The following PKHD1 variants were observed in gnomAD, a reference collection of about 807,000 sequenced individuals.
PKHD1 encodes the protein fibrocystin.
PKHD1 carries 291 observed loss-of-function variants against 412.0 expected under a neutral mutation model. That is an observed-to-expected ratio of 0.71 (90% CI 0.64 to 0.78). The LOEUF is 0.78. Ranked by LOEUF, PKHD1 falls within the 30% of genes least tolerant of loss-of-function variation. The pLI, the probability that PKHD1 is intolerant of heterozygous loss-of-function variation, is 0.00. For synonymous variants in PKHD1, 1,777 were observed against 1,821.5 expected (o/e 0.98, Z 0.62); for missense variants, 4,825 against 4,950.7 (o/e 0.97, Z 0.76).
chr6:51,982,890 T>TAAA (rs761826670), intron 35 of PKHD1, among the ~76,000 whole-genome samples: 2 of 37,576 alleles, frequency 5.3e-5, no homozygotes, highest in East Asian at 1.4e-3. Context: ...TAAAATAAAA[T>TAAA]AAAAAAAAGA....
At chr6:51,842,279 G>A (rs1770342225) in intron 50 of PKHD1, among the ~76,000 whole-genome samples, 1 of 152,136 alleles carries the variant, frequency 6.6e-6, no homozygotes, top group Non-Finnish European at 1.5e-5. Flanking sequence ...TGTGAACTCG[G>A]GAGGGCAACT....
Position 51,619,342 on chromosome 6 carries a change from A to G in PKHD1, c.11964T>C (p.Ala3988=). The change falls in exon 67 of 67, where the codon GCT becomes GCC. Residue 3988 remains alanine, a synonymous_variant. Coordinates refer to ENST00000371117, the MANE Select transcript of PKHD1 (RefSeq NM_138694.4). ...CAGTCTCTTGCAGGTACACCTGCTG[A>G]GCAGGAGCACCTGGAGCACAGATGT... is the stretch of plus-strand genomic sequence containing the variant. ...HGHICAPGAP[A]QQVYLQETGN... 6.2e-7 allele frequency: 1 copy of G among 1,614,208 alleles called. No individual in the cohort carries two copies. Among genetic ancestry groups the G allele is most frequent in the East Asian group, 2.2e-5 (1 of 44,876 alleles).
At chr6:51,969,711 C>T (rs983499193) in intron 35 of PKHD1, among the ~76,000 whole-genome samples, 5 of 152,128 alleles carry the variant, frequency 3.3e-5, no homozygotes, top group Admixed American at 3.3e-4. Context: ...CTGCAAAAGC[C>T]ATGATTTCAC....
chr6:52,053,101 A>G lies in PKHD1; in HGVS notation c.2115T>C (p.Ile705=). Residue 705 remains isoleucine (I), a synonymous_variant, in exon 21 of 67, where the codon ATT becomes ATC. Transcript: ENST00000371117. ...QETGLFYVDE[I]IIADTNVTVS... ...CTGTTACGTTTGTGTCTGCAATAAT[A>G]ATTTCATCCACATAGAACAGGCCCG... 6.2e-7 allele frequency: 1 copy of G among 1,614,074 alleles called. No individual in the cohort carries two copies. The highest frequency in any genetic ancestry group is 8.5e-7 in the Non-Finnish European group (1 of 1,179,978).
chr6:52,073,668 T>C, intron 6 of PKHD1, 127 bp from the exon 7 acceptor site: 1 of 686,322 alleles, frequency 1.5e-6, no homozygotes, highest in South Asian at 1.6e-5. Flanking sequence ...AGAAAATTAA[T>C]ACTTTTAATA....
chr6:51,670,879 A>T (rs1425645799), intron 60 of PKHD1, among the ~76,000 whole-genome samples: 1 of 150,848 alleles, frequency 6.6e-6, no homozygotes, highest in Non-Finnish European at 1.5e-5. Flanking sequence ...ATTGGCCCCC[A>T]CTCTCTTCTG....
chr6:51,616,378 C>T lies in PKHD1; in HGVS notation c.*2703G>A, dbSNP rs1379608066. 1.0e-5 allele frequency: 3 copies of T among 300,728 alleles called. No individual in the cohort carries two copies. The highest frequency in any genetic ancestry group is 1.8e-5 in the Non-Finnish European group (3 of 165,762). 18.6% of individuals were successfully genotyped at this position (300,728 alleles called of 1,614,324 possible). On this transcript the variant is annotated 3_prime_UTR_variant, in exon 67 of 67. Transcript: ENST00000371117. ...TATTTAGATAAAGGGTGTAGATTGT[C>T]ACTGCTGGGAAATATTTGCTGGGTT... is the stretch of plus-strand genomic sequence containing the variant.
chr6:51,956,914 C>T (rs1264503561), intron 36 of PKHD1, among the ~76,000 whole-genome samples: 1 of 151,926 alleles, frequency 6.6e-6, no homozygotes, highest in Non-Finnish European at 1.5e-5. Flanking sequence ...ATAGTAAGGA[C>T]CAGTGATTTG....
chr6:51,912,371 A>C lies in PKHD1; in HGVS notation c.6327T>G (p.Pro2109=). 1 of 1,603,684 alleles carries C rather than the reference A, an allele frequency of 6.2e-7. No individual in the cohort carries two copies. The highest frequency in any genetic ancestry group is 2.2e-5 in the East Asian group (1 of 44,808). Reference sequence around the variant, plus strand: ...GCCAAGCTGACACTCAGTACCTCAAAGGTGACTTAAGATAGAGGTCTGTAT... The same window carrying C: ...GCCAAGCTGACACTCAGTACCTCAACGGTGACTTAAGATAGAGGTCTGTAT... The part of the protein sequence containing the change: ...VQDTDLYLKS[P]LRYSHNFTEN... Residue 2109 remains proline (P), a synonymous_variant, in exon 38 of 67, where the codon CCT becomes CCG. Transcript: ENST00000371117.
chr6:52,086,192 C>A lies in PKHD1; in HGVS notation c.-84-1175G>T, dbSNP rs561173544. 3.7e-4 allele frequency among the ~76,000 whole-genome samples: 56 copies of A among 150,980 alleles called. 1 individual carries two copies. In the South Asian group the frequency reaches 8.6e-3, roughly 23 times the overall value. On this transcript the variant is annotated intron_variant, in intron 1 of 66. Transcript: ENST00000371117. ...GTGGCATGATGTCAGTTCACTGCAA[C>A]CTCCATCTCCCAGGTTCAAGTGATT...
intron 60 of PKHD1, among the ~76,000 whole-genome samples, chr6:51,701,355 C>G (rs1017522962): frequency 6.6e-6 from 1 of 152,050 alleles, no homozygotes; most frequent in Non-Finnish European, 1.5e-5. Flanking sequence ...GTCATTATTG[C>G]CAGTCAATCA....
At chr6:51,620,185 G>A (rs564425575) in intron 66 of PKHD1, among the ~76,000 whole-genome samples, 1 of 152,106 alleles carries the variant, frequency 6.6e-6, no homozygotes, top group Admixed American at 6.6e-5. Context: ...TTATTCTCAG[G>A]TGCTACTTCA....
chr6:51,784,505 T>C (rs1278236965), intron 53 of PKHD1, among the ~76,000 whole-genome samples: 2 of 152,180 alleles, frequency 1.3e-5, no homozygotes, highest in Admixed American at 1.3e-4. Context: ...TTTCCAGAAA[T>C]TGTACAATGA....
In PKHD1 at chr6:51,883,152, C is replaced by G. The variant is rs764761871; in HGVS notation, c.7291G>C (p.Glu2431Gln). 1 of 1,612,426 alleles carries G rather than the reference C, an allele frequency of 6.2e-7. No homozygotes were observed. The highest frequency in any genetic ancestry group is 8.5e-7 in the Non-Finnish European group (1 of 1,178,534). ...SCRDFGIDVL[E>Q]SDANTSVTDS... ...GTAACTGAAGTATTTGCATCACTTT[C>G]CAAGACGTCAATTCCAAAATCTCTG... Residue 2431 changes from glutamate (E) to glutamine (Q), a missense_variant, in exon 46 of 67, where the codon GAA becomes CAA. Glu to Gln is a conservative substitution (Grantham distance 29, BLOSUM62 2). Transcript: ENST00000371117.
At chr6:51,970,877 G>A (rs766182452) in intron 35 of PKHD1, among the ~76,000 whole-genome samples, 1 of 152,162 alleles carries the variant, frequency 6.6e-6, no homozygotes, top group Admixed American at 6.5e-5. Flanking sequence ...TCGAAGTCAG[G>A]TATTATGATA....
At chr6:52,008,718 C>T (rs1395924634) in intron 35 of PKHD1, among the ~76,000 whole-genome samples, 4 of 152,252 alleles carry the variant, frequency 2.6e-5, no homozygotes, top group African/African-American at 7.2e-5. Flanking sequence ...ATGCAGCTCT[C>T]AGTGGCGCAC....
chr6:51,726,621 T>C (rs192330776), intron 60 of PKHD1, among the ~76,000 whole-genome samples: 1 of 152,288 alleles, frequency 6.6e-6, no homozygotes, highest in East Asian at 1.9e-4. Context: ...CCTCATAATT[T>C]TTCAATCAAA....
chr6:51,853,008 T>C (rs1772588215), intron 49 of PKHD1, among the ~76,000 whole-genome samples: 1 of 152,224 alleles, frequency 6.6e-6, no homozygotes, highest in Admixed American at 6.5e-5. Flanking sequence ...GTAGTGTCAT[T>C]GGTCTTTATA....
rs781187540 is a variant in PKHD1, at chr6:52,025,099, T to C, written c.4711A>G (p.Ile1571Val). 2 of 1,614,200 alleles carry C rather than the reference T, an allele frequency of 1.2e-6. No individual in the cohort carries two copies. The highest frequency in any genetic ancestry group is 1.7e-6 in the Non-Finnish European group (2 of 1,180,034). ...CSGNVSRHFYIMPQVFHYFPK... is the reference protein window; with the variant it reads ...CSGNVSRHFYVMPQVFHYFPK... ...AAATAATGAAACACTTGGGGCATAA[T>C]GTAGAAGTGTCTGGAAACATTACCA... Residue 1571 changes from isoleucine (I) to valine (V), a missense_variant, in exon 32 of 67, where the codon ATT (isoleucine) becomes GTT (valine). Physicochemically the swap from Ile to Val is conservative, Grantham distance 29. Coordinates refer to ENST00000371117, the MANE Select transcript of PKHD1 (RefSeq NM_138694.4).
Sources: allele counts gnomAD v4.1 joint callset (sites outside exome capture counted in the v4.1 genomes callset), GRCh38; gene constraint gnomAD v4.1.1; transcripts MANE v1.5; gene names NCBI Gene and HGNC (gene_info 2026-07-23, HGNC 2026-07-21).